The following GALNT14 variants were observed in gnomAD, a reference collection of about 807,000 sequenced individuals.
GALNT14 encodes polypeptide N-acetylgalactosaminyltransferase 14.
GALNT14 carries 60 observed loss-of-function variants against 77.5 expected under a neutral mutation model. The ratio of observed to expected loss-of-function variants is 0.77; its 90% CI spans 0.63 to 0.96. The LOEUF is 0.96. Among genes scored for constraint, GALNT14 ranks in the 40% least tolerant of loss-of-function variants. GALNT14 has a pLI of 0.00. For missense variants in GALNT14, 710 were observed against 731.0 expected, an observed-to-expected ratio of 0.97 and a Z score of 0.33; for synonymous variants, 280 against 281.7, an observed-to-expected ratio of 0.99 and a Z score of 0.06.
At position 30,955,713 on chromosome 2, in the gene GALNT14, C is replaced by A. The variant is rs73923311; in HGVS notation, c.559G>T (p.Ala187Ser). The A allele has an allele frequency of 2.5e-6, 4 of 1,614,156 alleles. No individual in the cohort carries two copies. In the South Asian group the frequency reaches 4.4e-5, roughly 18 times the overall value. ...QGLVRSRIRG[A>S]DIAQGTTLTF... ...AGAGTGGTGCCCTGGGCGATGTCAGCGCCCCGAATCCGGGACCGGACCAGA... is the reference window on the plus strand; with the variant it reads ...AGAGTGGTGCCCTGGGCGATGTCAGAGCCCCGAATCCGGGACCGGACCAGA... Residue 187 changes from alanine to serine, a missense_variant, in exon 6 of 15, where the codon GCT (alanine) becomes TCT (serine). Transcript: ENST00000349752.
At chr2:30,945,904 A>G in intron 6 of GALNT14, 34 bp from the exon 7 acceptor site, 1 of 1,585,660 alleles carries the variant, frequency 6.3e-7, no homozygotes, top group Non-Finnish European at 8.7e-7. Flanking sequence ...TAGCTTATGG[A>G]GAGGAGCCCA....
chr2:31,067,461 T>C (rs373891594), intron 1 of GALNT14, among the ~76,000 whole-genome samples: 2 of 151,988 alleles, frequency 1.3e-5, no homozygotes, highest in Non-Finnish European at 2.9e-5. Context: ...TTGCAGACTT[T>C]GAGCATCCTC....
chr2:30,944,194 C>T (rs1192266118), intron 8 of GALNT14, among the ~76,000 whole-genome samples: 1 of 152,196 alleles, frequency 6.6e-6, no homozygotes, highest in Admixed American at 6.5e-5. Context: ...ACTCTTGAAG[C>T]TGAGACCACA....
chr2:31,135,624 G>A (rs149640469), intron 1 of GALNT14, among the ~76,000 whole-genome samples: 1,624 of 152,312 alleles, frequency 0.011, 27 homozygotes, highest in Admixed American at 0.038. Context: ...GAAGGAACAA[G>A]ATGTTAAGAC....
chr2:30,969,405 A>C (rs1489851111), intron 2 of GALNT14, among the ~76,000 whole-genome samples: 1 of 152,018 alleles, frequency 6.6e-6, no homozygotes, highest in Non-Finnish European at 1.5e-5. Context: ...GGTACAAGTT[A>C]CTCAGGGGCA....
chr2:31,042,292 C>T (rs569921978), intron 1 of GALNT14, among the ~76,000 whole-genome samples: 2 of 152,182 alleles, frequency 1.3e-5, no homozygotes, highest in South Asian at 4.2e-4. Context: ...AAAAACTCAT[C>T]TATTGTGTTA....
chr2:31,041,492 C>T (rs932244371), intron 1 of GALNT14, among the ~76,000 whole-genome samples: 1 of 152,042 alleles, frequency 6.6e-6, no homozygotes, highest in African/African-American at 2.4e-5. Context: ...CTGTCACACT[C>T]AGGGCTGCAG....
chr2:31,066,418 G>C (rs1468338402), intron 1 of GALNT14, among the ~76,000 whole-genome samples: 1 of 145,420 alleles, frequency 6.9e-6, no homozygotes, highest in Non-Finnish European at 1.5e-5. Flanking sequence ...GGGGCGGGGG[G>C]CGGGGGGGTG....
At chr2:30,891,016 C>A in the GALNT14 span, among the ~76,000 whole-genome samples, 6 of 152,218 alleles carry the variant, frequency 3.9e-5, no homozygotes, top group African/African-American at 1.4e-4. Flanking sequence ...GTTGAGGGAT[C>A]ATGGAAAAGT....
rs922009403 is a variant in GALNT14, at chr2:31,138,253, G to C, written c.-167C>G. ...TCCTGCAAGGCGCCCTTCCCGCTTC[G>C]AAGAGAAGCGAGCCTGGGTGGGGGG... On this transcript the variant is annotated 5_prime_UTR_variant, in exon 1 of 15. Transcript: ENST00000349752. 2.7e-5 allele frequency: 22 copies of C among 808,722 alleles called. No individual in the cohort carries two copies. The highest frequency in any genetic ancestry group is 1.4e-4 in the African/African-American group (8 of 57,172). 50.1% of individuals were successfully genotyped at this position (808,722 alleles called of 1,614,324 possible). A position where few individuals can be genotyped will look rare whatever the true frequency, so the allele number is the denominator to read the frequency against.
intron 13 of GALNT14, among the ~76,000 whole-genome samples, chr2:30,919,053 G>A (rs560821685): frequency 6.6e-6 from 1 of 152,286 alleles, no homozygotes; most frequent in East Asian, 1.9e-4. Flanking sequence ...CCACACACTG[G>A]GAGACAGGTA....
chr2:30,891,785 C>T, the GALNT14 span, among the ~76,000 whole-genome samples: 84 of 152,140 alleles, frequency 5.5e-4, no homozygotes, highest in Non-Finnish European at 9.4e-4. Context: ...AGCCTCTCCC[C>T]GAGAGAATGA....
intron 2 of GALNT14, among the ~76,000 whole-genome samples, chr2:30,983,750 C>A (rs960943128): frequency 7.1e-6 from 1 of 141,278 alleles, no homozygotes; most frequent in African/African-American, 2.6e-5. Context: ...CATCTATCAC[C>A]TCTTCTCTTT....
chr2:30,923,105 T>C (rs1253775736), intron 13 of GALNT14, among the ~76,000 whole-genome samples: 1 of 144,270 alleles, frequency 6.9e-6, no homozygotes, highest in Non-Finnish European at 1.5e-5. Context: ...TATTGTTGCC[T>C]GGGCTGGAGT....
intron 1 of GALNT14, among the ~76,000 whole-genome samples, chr2:31,130,774 G>A (rs1340018059): frequency 7.0e-6 from 1 of 142,582 alleles, no homozygotes; most frequent in African/African-American, 2.9e-5. Flanking sequence ...GTGTGTGTGT[G>A]TGTGTGTGTG....
At chr2:30,948,770 A>C (rs1193941603) in intron 6 of GALNT14, among the ~76,000 whole-genome samples, 1 of 152,208 alleles carries the variant, frequency 6.6e-6, no homozygotes, top group African/African-American at 2.4e-5. Flanking sequence ...CAGTCCTTGT[A>C]GCAAGTTATT....
intron 6 of GALNT14, among the ~76,000 whole-genome samples, chr2:30,948,912 T>G (rs561265437): frequency 6.6e-6 from 1 of 152,334 alleles, no homozygotes; most frequent in South Asian, 2.1e-4. Flanking sequence ...GGTCACAGAC[T>G]TCCCCAGAAG....
At chr2:30,932,042 C>A (rs1439524076) in intron 10 of GALNT14, 26 bp downstream of exon 10, 4 of 1,484,104 alleles carry the variant, frequency 2.7e-6, no homozygotes, top group Non-Finnish European at 3.6e-6. Context: ...CTGCTGCCCA[C>A]CCGCGCTGAG....
intron 1 of GALNT14, chr2:31,132,483 C>T (rs1226477298): frequency 4.0e-6 from 1 of 251,474 alleles, no homozygotes; most frequent in Non-Finnish European, 8.1e-6. Context: ...AAAGAAAGCA[C>T]AGCACCTTGT....
Sources: gnomAD v4.1 joint callset for allele counts (sites outside exome capture counted in the v4.1 genomes callset) on GRCh38, gnomAD v4.1.1 for gene constraint, MANE v1.5 for transcripts, NCBI Gene and HGNC (gene_info 2026-07-23, HGNC 2026-07-21) for gene names.